Variants in RRAS2 observed in about 807,000 individuals in gnomAD.
The protein encoded by RRAS2 is ras-related protein R-Ras2.
A neutral mutation model predicts 27.6 loss-of-function variants in RRAS2; 7 were observed. That is an observed-to-expected ratio of 0.25 (90% confidence interval 0.14 to 0.48). RRAS2 has a LOEUF of 0.48. Among genes scored for constraint, RRAS2 ranks in the 20% least tolerant of loss-of-function variants. The probability of loss-of-function intolerance (pLI) is 0.99; values close to 1 mark genes in which losing one functional copy is unlikely to be tolerated. For synonymous variants in RRAS2, 86 were observed against 90.9 expected, an observed-to-expected ratio of 0.95 and a Z score of 0.31; for missense variants, 178 against 256.2, an observed-to-expected ratio of 0.69 and a Z score of 2.08.
At chr11:14,300,994 C>G (rs1216421121) in intron 1 of RRAS2, among the ~76,000 whole-genome samples, 1 of 152,130 alleles carries the variant, frequency 6.6e-6, no homozygotes, top group Non-Finnish European at 1.5e-5. Context: ...GTCTACCACC[C>G]TTGCATAGAA....
intron 1 of RRAS2, chr11:14,356,911 C>CG: frequency 2.7e-6 from 1 of 374,220 alleles, no homozygotes; most frequent in Non-Finnish European, 5.1e-6. Context: ...CCTCAGCCTC[C>CG]AGAGTAGCTG....
rs1446700718 is a variant in RRAS2 at position 14,279,393 on chromosome 11, G to C, written c.559C>G (p.Pro187Ala). 1 of 1,612,708 alleles carries C rather than the reference G, an allele frequency of 6.2e-7. No homozygotes were observed. Among genetic ancestry groups the C allele is most frequent in the East Asian group, 2.2e-5 (1 of 44,864 alleles). ...KFQEQECPPSPEPTRKEKDKK... is the reference protein window; with the variant it reads ...KFQEQECPPSAEPTRKEKDKK... ...TCTTTTTCTTTCCGTGTTGGTTCTGGTGAAGGAGGACATTCCTGCTCTTGA... is the reference window on the plus strand; with the variant it reads ...TCTTTTTCTTTCCGTGTTGGTTCTGCTGAAGGAGGACATTCCTGCTCTTGA... Residue 187 changes from proline to alanine, a missense_variant, in exon 6 of 6, where the codon CCA becomes GCA. Physicochemically the swap from Pro to Ala is conservative, Grantham distance 27 (BLOSUM62 -1). Transcript: ENST00000256196.
chr11:14,333,056 ATTATT>A (rs1397851213), intron 1 of RRAS2, among the ~76,000 whole-genome samples: 3 of 152,156 alleles, frequency 2.0e-5, no homozygotes, highest in African/African-American at 7.2e-5. Context: ...TGTTTTATCT[ATTATT>A]TTAAAGATTA....
upstream of RRAS2, among the ~76,000 whole-genome samples, chr11:14,362,815 G>A (rs538300005): frequency 6.6e-6 from 1 of 152,308 alleles, no homozygotes; most frequent in South Asian, 2.1e-4. Context: ...GCCAAGCTGG[G>A]TGTTATCCAG....
intron 1 of RRAS2, among the ~76,000 whole-genome samples, chr11:14,304,257 T>C (rs1554947798): frequency 2.0e-5 from 3 of 152,220 alleles, no homozygotes; most frequent in African/African-American, 7.2e-5. Context: ...TGAAAGGGGC[T>C]TAAGGAGAAG....
chr11:14,349,826 T>C (rs1554954534), intron 1 of RRAS2, among the ~76,000 whole-genome samples: 1 of 152,220 alleles, frequency 6.6e-6, no homozygotes, highest in Non-Finnish European at 1.5e-5. Context: ...GTAGTTAAGT[T>C]ACTCATTTGA....
At chr11:14,356,801 C>CTTT (rs34757328) in intron 1 of RRAS2, 416 of 374,280 alleles carry the variant, frequency 1.1e-3, no homozygotes, top group South Asian at 2.4e-3. Flanking sequence ...GCAATTAATG[C>CTTT]TTTTTTTTTT....
chr11:14,330,169 A>G (rs557250692), intron 1 of RRAS2, among the ~76,000 whole-genome samples: 1 of 152,364 alleles, frequency 6.6e-6, no homozygotes, highest in African/African-American at 2.4e-5. Flanking sequence ...AGATGTAAAA[A>G]CACAGCAATG....
At chr11:14,280,617 T>G (rs1591438911) in intron 5 of RRAS2, among the ~76,000 whole-genome samples, 1 of 149,552 alleles carries the variant, frequency 6.7e-6, no homozygotes, top group East Asian at 2.0e-4. Flanking sequence ...ATCCCAGCTA[T>G]TCAGGAGGCT....
At position 14,295,862 on chromosome 11, in the gene RRAS2, G is replaced by A. The variant is rs564675458; in HGVS notation, c.109-7C>T. ...AATCCGTTACAAAATAGGACTGCAA[G>A]AAAAGAAAAAACTTTATTTTAAAAT... On this transcript the variant is annotated splice_region_variant and splice_polypyrimidine_tract_variant and intron_variant, in intron 1 of 5. Coordinates refer to ENST00000256196, the MANE Select transcript of RRAS2 (RefSeq NM_012250.6). 1.2e-5 allele frequency: 19 copies of A among 1,610,974 alleles called. No individual in the cohort carries two copies. Among genetic ancestry groups the A allele is most frequent in the Non-Finnish European group, 1.6e-5 (19 of 1,178,862 alleles).
intron 1 of RRAS2, among the ~76,000 whole-genome samples, chr11:14,322,677 T>A (rs1848253646): frequency 6.6e-6 from 1 of 152,262 alleles, no homozygotes; most frequent in Non-Finnish European, 1.5e-5. Flanking sequence ...GATCTATATC[T>A]ATGTGTTAAA....
rs564880725 is a variant in RRAS2, at chr11:14,338,711, A to T, written c.108+20052T>A. On this transcript the variant is annotated intron_variant, in intron 1 of 5. Transcript: ENST00000256196. The stretch of plus-strand genomic sequence containing the variant: ...CCGAAGTCAAATGGCTCCAAATCCT[A>T]ATTTTTTTTAAACCACATTAAAAAG... 4.0e-4 allele frequency among the ~76,000 whole-genome samples: 61 copies of T among 152,288 alleles called. No homozygotes were observed. In the South Asian group the frequency reaches 0.012, roughly 29 times the overall value.
Position 14,358,234 on chromosome 11 carries a change from A to T in RRAS2, c.108+529T>A. On this transcript the variant is annotated intron_variant, in intron 1 of 5. Coordinates refer to ENST00000256196, the MANE Select transcript of RRAS2 (RefSeq NM_012250.6). The surrounding 1 kb of genome is among the most constrained non-coding windows in gnomAD (Gnocchi z 5.1). The stretch of plus-strand genomic sequence containing the variant: ...AGTACTTATAAAAAGAGCGTAACAC[A>T]CACACAAAGAAATACACAGTACTTG... The T allele has an allele frequency of 1.0e-6, 1 of 985,474 alleles. No homozygotes were observed. Among genetic ancestry groups the T allele is most frequent in the Non-Finnish European group, 1.2e-6 (1 of 829,942 alleles). The allele number at this position is 985,474 out of a possible 1,614,324, so 61.0% of individuals were successfully genotyped here. A position where few individuals can be genotyped will look rare whatever the true frequency, so the allele number is the denominator to read the frequency against.
In RRAS2 at chr11:14,279,279, G is replaced by A. The variant is rs1849453993; in HGVS notation, c.*58C>T. The A allele has an allele frequency of 8.5e-7, 1 of 1,174,364 alleles. No homozygotes were observed. The highest frequency in any genetic ancestry group is 1.3e-6 in the Non-Finnish European group (1 of 779,886). The allele number at this position is 1,174,364 out of a possible 1,614,324, so 72.7% of individuals were successfully genotyped here. A position where few individuals can be genotyped will look rare whatever the true frequency, so the allele number is the denominator to read the frequency against. On this transcript the variant is annotated 3_prime_UTR_variant, in exon 6 of 6. Coordinates refer to ENST00000256196, the MANE Select transcript of RRAS2 (RefSeq NM_012250.6). ...AGGTACCAACAAGATGTAAACTGAG[G>A]AGAGAAAGAGAAGATGAGGGCTTTT...
intron 4 of RRAS2, among the ~76,000 whole-genome samples, chr11:14,283,766 T>C (rs1465115025): frequency 1.3e-5 from 2 of 152,212 alleles, no homozygotes; most frequent in Admixed American, 6.5e-5. Context: ...CTCTCAATCC[T>C]GATATTGTGT....
At chr11:14,297,483 A>G (rs1335375085) in intron 1 of RRAS2, among the ~76,000 whole-genome samples, 1 of 152,206 alleles carries the variant, frequency 6.6e-6, no homozygotes, top group African/African-American at 2.4e-5. Flanking sequence ...AGTCTTAAGA[A>G]TAACTTTAAA....
rs1422204113 is a variant in RRAS2 at position 14,359,086 on chromosome 11, A to T, written c.-216T>A. 9 of 1,083,394 alleles carry T rather than the reference A, an allele frequency of 8.3e-6. No homozygotes were observed. The highest frequency in any genetic ancestry group is 1.0e-5 in the Non-Finnish European group (9 of 894,320). 67.1% of individuals were successfully genotyped at this position (1,083,394 alleles called of 1,614,324 possible). On this transcript the variant is annotated 5_prime_UTR_variant, in exon 1 of 6. Coordinates refer to ENST00000256196, the MANE Select transcript of RRAS2 (RefSeq NM_012250.6). ...AGGCGCGGAGAAGCGGGGTGACGGC[A>T]CGGGCCAGGGGCGGCAGCGGCCGGG...
At chr11:14,322,213 T>C (rs2133998060) in intron 1 of RRAS2, among the ~76,000 whole-genome samples, 1 of 151,954 alleles carries the variant, frequency 6.6e-6, no homozygotes, top group South Asian at 2.1e-4. Context: ...GGTGTGTCAC[T>C]TGGACTCAGG....
intron 1 of RRAS2, among the ~76,000 whole-genome samples, chr11:14,296,641 CTT>C (rs1564959115): frequency 1.3e-5 from 2 of 152,156 alleles, no homozygotes; most frequent in Non-Finnish European, 2.9e-5. Flanking sequence ...TTTTCTCACA[CTT>C]TGTCTTATTC....
Sources: gnomAD v4.1 joint callset for allele counts (sites outside exome capture counted in the v4.1 genomes callset) on GRCh38, gnomAD v4.1.1 for gene constraint, Gnocchi (gnomAD v3.1) non-coding constraint, MANE v1.5 for transcripts, NCBI Gene and HGNC (gene_info 2026-07-23, HGNC 2026-07-21) for gene names.